THEMIS: variants seen among roughly 807,000 people sequenced by gnomAD.
The protein encoded by THEMIS is protein THEMIS.
THEMIS carries 37 observed loss-of-function variants against 52.6 expected under a neutral mutation model. That is an observed-to-expected ratio of 0.70 (90% confidence interval 0.54 to 0.93). The LOEUF (loss-of-function observed/expected upper bound fraction) is 0.93. Among genes scored for constraint, THEMIS ranks in the 40% least tolerant of loss-of-function variants. The pLI, the probability that THEMIS is intolerant of heterozygous loss-of-function variation, is 0.00. For missense variants in THEMIS, 808 were observed against 763.1 expected, an observed-to-expected ratio of 1.06 and a Z score of -0.69; for synonymous variants, 292 against 272.7, an observed-to-expected ratio of 1.07 and a Z score of -0.70.
At chr6:127,804,739 A>G (rs1323421890) in intron 4 of THEMIS, among the ~76,000 whole-genome samples, 6 of 152,182 alleles carry the variant, frequency 3.9e-5, no homozygotes, top group Non-Finnish European at 7.4e-5. Context: ...AGCCTTGGAT[A>G]ACAATTGAGA....
chr6:127,882,414 T>G (rs2114434089), intron 1 of THEMIS, among the ~76,000 whole-genome samples: 1 of 152,046 alleles, frequency 6.6e-6, no homozygotes, highest in South Asian at 2.1e-4. Flanking sequence ...TATTTAAATG[T>G]TTTAAGTTTC....
intron 4 of THEMIS, among the ~76,000 whole-genome samples, chr6:127,728,083 T>C (rs916034859): frequency 6.6e-6 from 1 of 152,108 alleles, no homozygotes; most frequent in Admixed American, 6.6e-5. Flanking sequence ...GCTTTCCCTC[T>C]CCAAACATGA....
intron 1 of THEMIS, among the ~76,000 whole-genome samples, chr6:127,882,278 G>A (rs935168849): frequency 2.2e-4 from 33 of 151,720 alleles, no homozygotes; most frequent in Non-Finnish European, 4.1e-4. Context: ...TAAGATTTGT[G>A]CTCAATTATT....
chr6:127,819,537 A>G lies in THEMIS; in HGVS notation c.710-5606T>C, dbSNP rs573655937. On this transcript the variant is annotated intron_variant, in intron 3 of 5. Coordinates refer to ENST00000368248, the MANE Select transcript of THEMIS (RefSeq NM_001010923.3). The stretch of plus-strand genomic sequence containing the variant: ...CAAAGACAAAGCAAAAACTTGAACC[A>G]GAGGAGCAAAAACACCTTATCTATA... 3.9e-5 allele frequency among the ~76,000 whole-genome samples: 6 copies of G among 152,300 alleles called. No homozygotes were observed. The East Asian group carries it at 1.2e-3, about 29-fold the overall frequency.
At chr6:127,786,597 T>C (rs998046905) in intron 4 of THEMIS, among the ~76,000 whole-genome samples, 1 of 152,166 alleles carries the variant, frequency 6.6e-6, no homozygotes, top group African/African-American at 2.4e-5. Context: ...ACAACAATTC[T>C]CTAGGGCATG....
chr6:127,842,079 CA>C (rs1481408348), intron 2 of THEMIS, among the ~76,000 whole-genome samples: 1 of 151,910 alleles, frequency 6.6e-6, no homozygotes, highest in African/African-American at 2.4e-5. Context: ...CTTCTTTTAA[CA>C]AAAGTCCCTA....
intron 1 of THEMIS, 116 bp downstream of exon 1, chr6:127,900,726 C>A (rs776420684): frequency 9.2e-6 from 8 of 868,012 alleles, no homozygotes; most frequent in Non-Finnish European, 1.3e-5. Flanking sequence ...CTTTTGTGAT[C>A]GCCTTTCCTT....
the THEMIS span, among the ~76,000 whole-genome samples, chr6:127,699,955 T>G: frequency 6.6e-6 from 1 of 151,804 alleles, no homozygotes; most frequent in Non-Finnish European, 1.5e-5. Context: ...AAATTATAAA[T>G]CAAACTCCAT....
At position 127,726,210 on chromosome 6, in the gene THEMIS, A is replaced by T. The variant is rs374542972; in HGVS notation, c.1759-6387T>A. ...TCCAAGTACCTCCAGAAAGTCAGAC[A>T]TTTAAAAGAGTTGGTATCTACCCTG... On this transcript the variant is annotated intron_variant, in intron 4 of 5. Transcript: ENST00000368248. Among the ~76,000 whole-genome samples, 40 of 152,280 alleles carry T rather than the reference A, an allele frequency of 2.6e-4. 1 individual carries two copies. Among genetic ancestry groups the T allele is most frequent in the African/African-American group, 9.4e-4 (39 of 41,576 alleles).
intron 1 of THEMIS, among the ~76,000 whole-genome samples, chr6:127,878,065 C>G (rs1286339986): frequency 4.6e-5 from 7 of 152,154 alleles, no homozygotes; most frequent in Non-Finnish European, 1.0e-4. Context: ...GCAAATATCA[C>G]ATGCTTTTGT....
At chr6:127,904,807 G>A (rs556796101), upstream of THEMIS, among the ~76,000 whole-genome samples, 9 of 151,910 alleles carry the variant, frequency 5.9e-5, no homozygotes, top group African/African-American at 1.7e-4. Context: ...AGAAAGTATC[G>A]GATGAAAATT....
chr6:127,856,951 TGA>T, intron 1 of THEMIS, among the ~76,000 whole-genome samples: 1 of 152,104 alleles, frequency 6.6e-6, no homozygotes, highest in Middle Eastern at 3.4e-3. Context: ...TAATTTTTTA[TGA>T]GTTTCAGTTT....
At chr6:127,864,240 C>A (rs1188010590) in intron 1 of THEMIS, among the ~76,000 whole-genome samples, 1 of 151,324 alleles carries the variant, frequency 6.6e-6, no homozygotes, top group African/African-American at 2.4e-5. Flanking sequence ...TACCACCCTG[C>A]TGAAAAAAAA....
chr6:127,759,959 A>T (rs1337483988), intron 4 of THEMIS, among the ~76,000 whole-genome samples: 4 of 151,318 alleles, frequency 2.6e-5, no homozygotes, highest in Non-Finnish European at 5.9e-5. Context: ...TCTGAAATGT[A>T]AATTAGATTA....
At chr6:127,734,746 G>A (rs982107183) in intron 4 of THEMIS, among the ~76,000 whole-genome samples, 36 of 151,006 alleles carry the variant, frequency 2.4e-4, no homozygotes, top group Non-Finnish European at 8.9e-5. Flanking sequence ...GGCACGCGCC[G>A]TAGTCCCAGC....
chr6:127,758,114 A>G (rs1775897141), intron 4 of THEMIS, among the ~76,000 whole-genome samples: 1 of 151,300 alleles, frequency 6.6e-6, no homozygotes, highest in Non-Finnish European at 1.5e-5. Flanking sequence ...CTGGTTAAAA[A>G]TTATACATAA....
At chr6:127,769,981 C>T (rs1347265838) in intron 4 of THEMIS, among the ~76,000 whole-genome samples, 1 of 152,138 alleles carries the variant, frequency 6.6e-6, no homozygotes, top group Non-Finnish European at 1.5e-5. Flanking sequence ...CATAGTATTC[C>T]ATGGTGTATA....
At chr6:127,875,720 A>G (rs991512857) in intron 1 of THEMIS, among the ~76,000 whole-genome samples, 3 of 152,238 alleles carry the variant, frequency 2.0e-5, no homozygotes, top group Admixed American at 6.5e-5. Context: ...ATTGAACAGC[A>G]CAGTGGTATA....
At chr6:127,899,471 T>C (rs145464423) in intron 1 of THEMIS, among the ~76,000 whole-genome samples, 1 of 151,886 alleles carries the variant, frequency 6.6e-6, no homozygotes, top group Non-Finnish European at 1.5e-5. Flanking sequence ...ACATATAATA[T>C]GATTTGAAGG....
Sources: gnomAD v4.1 joint callset for allele counts (sites outside exome capture counted in the v4.1 genomes callset) on GRCh38, gnomAD v4.1.1 for gene constraint, MANE v1.5 for transcripts, NCBI Gene and HGNC (gene_info 2026-07-23, HGNC 2026-07-21) for gene names.